Variants in AKT3 observed in about 807,000 individuals in gnomAD.
AKT3 encodes AKT serine/threonine kinase 3.
A neutral mutation model predicts 65.3 loss-of-function variants in AKT3; 15 were observed. The ratio of observed to expected loss-of-function variants is 0.23; its 90% CI spans 0.15 to 0.35. The LOEUF is 0.35. Among genes scored for constraint, AKT3 ranks in the 10% least tolerant of loss-of-function variants. The pLI is 1.00. For synonymous variants in AKT3, 206 were observed against 183.8 expected (o/e 1.12, Z -0.98); for missense variants, 243 against 576.5 (o/e 0.42, Z 5.92).
At chr1:243,598,970 G>A in intron 8 of AKT3, among the ~76,000 whole-genome samples, 1 of 152,134 alleles carries the variant, frequency 6.6e-6, no homozygotes, top group East Asian at 1.9e-4. Context: ...TAGTTCAAAT[G>A]CACCTTTCCT....
At chr1:243,746,394 T>TC (rs1413970515) in intron 2 of AKT3, among the ~76,000 whole-genome samples, 2 of 152,206 alleles carry the variant, frequency 1.3e-5, no homozygotes, top group African/African-American at 4.8e-5. Context: ...AAATGTTTTT[T>TC]CCCCTAAATA....
chr1:243,564,721 T>C (rs1229184974), intron 9 of AKT3, among the ~76,000 whole-genome samples: 1 of 152,224 alleles, frequency 6.6e-6, no homozygotes, highest in African/African-American at 2.4e-5. Context: ...GCCTTATGTA[T>C]TCAGGGCCCA....
chr1:243,684,942 A>G (rs898075629), intron 3 of AKT3, among the ~76,000 whole-genome samples: 1 of 152,148 alleles, frequency 6.6e-6, no homozygotes. Context: ...TTGGTTGGCC[A>G]CATAAATGTC....
At chr1:243,666,388 T>C (rs991349513) in intron 3 of AKT3, among the ~76,000 whole-genome samples, 3 of 152,160 alleles carry the variant, frequency 2.0e-5, no homozygotes, top group Non-Finnish European at 4.4e-5. Flanking sequence ...AGTTTACATG[T>C]TTTCAGCAAT....
intron 2 of AKT3, among the ~76,000 whole-genome samples, chr1:243,802,816 T>A (rs1692457971): frequency 6.6e-6 from 1 of 152,170 alleles, no homozygotes; most frequent in Non-Finnish European, 1.5e-5. Context: ...TCACATCCAG[T>A]GCTTTTCAGC....
intron 12 of AKT3, among the ~76,000 whole-genome samples, chr1:243,535,174 A>AATTTTAAAATAATTTTAAAATAT (rs1553398040): frequency 1.6e-5 from 2 of 123,930 alleles, no homozygotes; most frequent in Non-Finnish European, 3.2e-5. Flanking sequence ...ATATATTTAA[A>AATTTTAAAATAATTTTAAAATAT]ATTTTAAAAT....
intron 2 of AKT3, among the ~76,000 whole-genome samples, chr1:243,838,647 T>G (rs1184067384): frequency 6.6e-6 from 1 of 152,206 alleles, no homozygotes; most frequent in East Asian, 1.9e-4. Context: ...TCACAATCTT[T>G]ATGTTGCTAA....
Position 243,505,100 on chromosome 1 carries a change from G to GT in AKT3, c.*148dup. ...TGCGTGTATGTGTGTTTTCATGAGG[G>GT]TGAAAGGTGGCGAGGGGTGAGGACC... On this transcript the variant is annotated 3_prime_UTR_variant, in exon 14 of 14. Transcript: ENST00000673466. 1.6e-6 allele frequency: 1 copy of GT among 638,874 alleles called. No homozygotes were observed. The highest frequency in any genetic ancestry group is 2.0e-5 in the South Asian group (1 of 50,600). 39.6% of individuals were successfully genotyped at this position (638,874 alleles called of 1,614,324 possible).
At chr1:243,547,077 A>C (rs1172351483) in intron 11 of AKT3, 1 of 152,098 alleles carries the variant, frequency 6.6e-6, no homozygotes, top group Non-Finnish European at 1.5e-5. Flanking sequence ...ATTTTCTCTT[A>C]AGTCTAAACA....
chr1:243,657,531 T>C (rs148932196), intron 4 of AKT3, among the ~76,000 whole-genome samples: 1 of 152,298 alleles, frequency 6.6e-6, no homozygotes, highest in East Asian at 1.9e-4. Context: ...CCCATGTTCA[T>C]GCACTGAAAG....
At chr1:243,726,234 C>T (rs1322844946) in intron 2 of AKT3, among the ~76,000 whole-genome samples, 5 of 151,994 alleles carry the variant, frequency 3.3e-5, no homozygotes, top group African/African-American at 1.2e-4. Flanking sequence ...CAATTATTTA[C>T]GAAAGGCAGA....
chr1:243,672,339 A>T (rs1008822419), intron 3 of AKT3, among the ~76,000 whole-genome samples: 2 of 152,196 alleles, frequency 1.3e-5, no homozygotes, highest in African/African-American at 2.4e-5. Context: ...GTTAATGATT[A>T]AAAAAAGTTC....
intron 2 of AKT3, among the ~76,000 whole-genome samples, chr1:243,750,784 G>C (rs182518196): frequency 6.6e-6 from 1 of 151,974 alleles, no homozygotes; most frequent in Non-Finnish European, 1.5e-5. Context: ...GTTTCACTGT[G>C]TTGGCCAGGC....
At chr1:243,796,038 G>T (rs1691982979) in intron 2 of AKT3, among the ~76,000 whole-genome samples, 1 of 152,154 alleles carries the variant, frequency 6.6e-6, no homozygotes, top group African/African-American at 2.4e-5. Flanking sequence ...CAAATGCTGA[G>T]ACTCTTGGGA....
intron 2 of AKT3, among the ~76,000 whole-genome samples, chr1:243,786,291 T>C (rs1691256754): frequency 6.6e-6 from 1 of 152,224 alleles, no homozygotes; most frequent in Non-Finnish European, 1.5e-5. Flanking sequence ...GGATTATAGA[T>C]ATACACAAAT....
At chr1:243,753,033 T>C (rs1232472344) in intron 2 of AKT3, among the ~76,000 whole-genome samples, 1 of 152,206 alleles carries the variant, frequency 6.6e-6, no homozygotes, top group Non-Finnish European at 1.5e-5. Context: ...CACAAGGTCT[T>C]CATGCTTCCT....
Position 243,572,928 on chromosome 1 carries a change from TGAG to T in AKT3, c.814_816del (p.Leu272del). 6.3e-7 allele frequency: 1 copy of T among 1,599,260 alleles called. No individual in the cohort carries two copies. Among genetic ancestry groups the T allele is most frequent in the Non-Finnish European group, 8.5e-7 (1 of 1,175,138 alleles). ...GATTACTTTTTTTTTTTTTTTACCT[TGAG>T]ATCACGGTACACAATCTTTCCGGAA... On this transcript the variant is annotated inframe_deletion, in exon 9 of 14. Transcript: ENST00000673466.
chr1:243,539,988 G>A (rs759248015), intron 12 of AKT3, among the ~76,000 whole-genome samples: 2 of 152,104 alleles, frequency 1.3e-5, no homozygotes, highest in Non-Finnish European at 2.9e-5. Flanking sequence ...TCTAGGGAGA[G>A]CTTCACTAGT....
chr1:243,562,778 C>T (rs1358951967), intron 10 of AKT3, among the ~76,000 whole-genome samples: 2 of 152,130 alleles, frequency 1.3e-5, no homozygotes, highest in South Asian at 4.1e-4. Context: ...ACTCTAGTCT[C>T]CAGCCATAGA....
Sources: allele counts gnomAD v4.1 joint callset (sites outside exome capture counted in the v4.1 genomes callset), GRCh38; gene constraint gnomAD v4.1.1; transcripts MANE v1.5; gene names NCBI Gene and HGNC (gene_info 2026-07-23, HGNC 2026-07-21).